The following EIF4E variants were observed in gnomAD, a reference collection of about 807,000 sequenced individuals.
The protein encoded by EIF4E is eIF-4F 25 kDa subunit.
For missense variants in EIF4E, 113 were observed against 265.6 expected (o/e 0.43, Z 3.99); for synonymous variants, 71 against 88.5 (o/e 0.80, Z 1.11).
At chr4:98,889,787 A>G (rs2110183087) in intron 3 of EIF4E, among the ~76,000 whole-genome samples, 1 of 152,262 alleles carries the variant, frequency 6.6e-6, no homozygotes, top group East Asian at 1.9e-4. Context: ...CTGATTGGGG[A>G]AGGTGGCTCA....
intron 2 of EIF4E, among the ~76,000 whole-genome samples, chr4:98,892,768 C>T (rs1280823548): frequency 6.6e-6 from 1 of 151,660 alleles, no homozygotes; most frequent in African/African-American, 2.4e-5. Flanking sequence ...ATGAGAGTGC[C>T]AGGAGTGGGG....
At chr4:98,909,871 G>A in intron 1 of EIF4E, 2 of 631,282 alleles carry the variant, frequency 3.2e-6, no homozygotes, top group South Asian at 1.9e-5. Flanking sequence ...GCCATGAGAA[G>A]GGTGGGACAG....
At chr4:98,917,120 AC>A (rs1560652604) in intron 1 of EIF4E, among the ~76,000 whole-genome samples, 2 of 54,492 alleles carry the variant, frequency 3.7e-5, no homozygotes, top group Admixed American at 1.5e-4. Flanking sequence ...ACACACACAC[AC>A]ACACACACAC....
intron 3 of EIF4E, among the ~76,000 whole-genome samples, chr4:98,889,107 C>T (rs767139625): frequency 9.3e-5 from 14 of 151,302 alleles, no homozygotes; most frequent in Admixed American, 1.3e-4. Flanking sequence ...TGCAGTGAGC[C>T]GAGATCACCC....
At chr4:98,917,752 A>T (rs182409162) in intron 1 of EIF4E, among the ~76,000 whole-genome samples, 3 of 152,240 alleles carry the variant, frequency 2.0e-5, no homozygotes, top group Admixed American at 2.0e-4. Context: ...GTGGTGTCCT[A>T]GGTCATGGTA....
chr4:98,923,223 T>C (rs1579188120), intron 1 of EIF4E, among the ~76,000 whole-genome samples: 1 of 151,762 alleles, frequency 6.6e-6, no homozygotes, highest in African/African-American at 2.4e-5. Flanking sequence ...AAAAACCCCT[T>C]ATATTTCTGA....
intron 1 of EIF4E, chr4:98,926,131 A>C (rs892105273): frequency 2.0e-5 from 3 of 152,410 alleles, no homozygotes; most frequent in Non-Finnish European, 2.9e-5. Context: ...GCGCCACTGC[A>C]CTCCAGCCCC....
In EIF4E at chr4:98,901,996, A is replaced by G. The variant is rs1724671611; in HGVS notation, c.19-14T>C. 1 of 1,594,056 alleles carries G rather than the reference A, an allele frequency of 6.3e-7. No homozygotes were observed. The highest frequency in any genetic ancestry group is 8.6e-7 in the Non-Finnish European group (1 of 1,162,134). On this transcript the variant is annotated splice_polypyrimidine_tract_variant and intron_variant, in intron 1 of 6. Transcript: ENST00000450253. ...AGGGGTGGTTTCCTAGTGGAAAATAATATAAAACATTATTTTAAATGTCTT... is the reference window on the plus strand; with the variant it reads ...AGGGGTGGTTTCCTAGTGGAAAATAGTATAAAACATTATTTTAAATGTCTT...
At chr4:98,886,079 G>C (rs1247552924) in intron 5 of EIF4E, among the ~76,000 whole-genome samples, 1 of 152,070 alleles carries the variant, frequency 6.6e-6, no homozygotes, top group Non-Finnish European at 1.5e-5. Context: ...CTTGAACCCA[G>C]GAGGCTACAG....
intron 1 of EIF4E, among the ~76,000 whole-genome samples, chr4:98,919,030 T>C (rs1013263827): frequency 6.6e-6 from 1 of 151,962 alleles, no homozygotes; most frequent in Non-Finnish European, 1.5e-5. Context: ...GTAAAAAGCC[T>C]GGGTGTGGTG....
chr4:98,901,435 G>A (rs940713283), intron 2 of EIF4E, among the ~76,000 whole-genome samples: 1 of 151,670 alleles, frequency 6.6e-6, no homozygotes, highest in Non-Finnish European at 1.5e-5. Flanking sequence ...CTGACCTCAG[G>A]TGATCCGCCC....
At chr4:98,889,214 T>A (rs1331900747) in intron 3 of EIF4E, among the ~76,000 whole-genome samples, 3 of 151,572 alleles carry the variant, frequency 2.0e-5, no homozygotes, top group African/African-American at 4.8e-5. Flanking sequence ...AATTCCATAG[T>A]ATAACACACA....
chr4:98,890,217 C>T (rs1250676454), intron 3 of EIF4E, among the ~76,000 whole-genome samples: 1 of 151,984 alleles, frequency 6.6e-6, no homozygotes, highest in African/African-American at 2.4e-5. Context: ...AAATTTTATA[C>T]CACAATCTAT....
intron 2 of EIF4E, among the ~76,000 whole-genome samples, chr4:98,901,610 T>C (rs913902075): frequency 6.6e-6 from 1 of 152,190 alleles, no homozygotes; most frequent in East Asian, 1.9e-4. Flanking sequence ...CTGAGTCAAG[T>C]TCACTTCTCC....
chr4:98,918,256 G>A (rs185300014), intron 1 of EIF4E, among the ~76,000 whole-genome samples: 1 of 151,462 alleles, frequency 6.6e-6, no homozygotes, highest in Non-Finnish European at 1.5e-5. Flanking sequence ...CCAGCTGGTC[G>A]GGAGGCTGAG....
chr4:98,884,203 T>C (rs1382875637), intron 6 of EIF4E, among the ~76,000 whole-genome samples: 1 of 152,208 alleles, frequency 6.6e-6, no homozygotes, highest in African/African-American at 2.4e-5. Flanking sequence ...AATGCACATA[T>C]ACTATTTGCC....
chr4:98,899,096 G>A (rs917256542), intron 2 of EIF4E, among the ~76,000 whole-genome samples: 5 of 149,978 alleles, frequency 3.3e-5, no homozygotes, highest in African/African-American at 1.2e-4. Flanking sequence ...AATGTTAGAA[G>A]ACAAATGATA....
At chr4:98,922,702 G>A (rs978417039) in intron 1 of EIF4E, among the ~76,000 whole-genome samples, 1 of 151,874 alleles carries the variant, frequency 6.6e-6, no homozygotes, top group Non-Finnish European at 1.5e-5. Context: ...TGTTTATAAG[G>A]TTTTTTTAGT....
intron 1 of EIF4E, among the ~76,000 whole-genome samples, chr4:98,902,731 C>T (rs1560644144): frequency 6.6e-6 from 1 of 152,024 alleles, no homozygotes; most frequent in Non-Finnish European, 1.5e-5. Flanking sequence ...CACTGTGGTG[C>T]GTCTCTACAA....
Sources: allele counts gnomAD v4.1 joint callset (sites outside exome capture counted in the v4.1 genomes callset), GRCh38; gene constraint gnomAD v4.1.1; transcripts MANE v1.5; gene names NCBI Gene and HGNC (gene_info 2026-07-23, HGNC 2026-07-21).